FAM210A: variants seen among roughly 807,000 people sequenced by gnomAD.
FAM210A encodes mitochondrial inner membrane scaffold 1.
In FAM210A, 13 loss-of-function variants were observed where a neutral mutation model predicts 25.3. The ratio of observed to expected loss-of-function variants is 0.51; its 90% confidence interval spans 0.33 to 0.82. FAM210A has a LOEUF of 0.82. Ranked by LOEUF, FAM210A falls within the 40% of genes least tolerant of loss-of-function variation. FAM210A has a pLI of 0.02. For synonymous variants in FAM210A, 125 were observed against 118.7 expected (o/e 1.05, Z -0.35); for missense variants, 319 against 323.2 (o/e 0.99, Z 0.10).
intron 1 of FAM210A, among the ~76,000 whole-genome samples, chr18:13,712,998 C>T (rs753294792): frequency 2.6e-5 from 4 of 152,148 alleles, no homozygotes; most frequent in Non-Finnish European, 5.9e-5. Flanking sequence ...TCCTCCAGCC[C>T]AGCTCTATCT....
At chr18:13,723,208 C>T (rs2043910953) in intron 1 of FAM210A, among the ~76,000 whole-genome samples, 1 of 152,168 alleles carries the variant, frequency 6.6e-6, no homozygotes, top group African/African-American at 2.4e-5. Flanking sequence ...ATACTCATTA[C>T]TGCCTTTGAA....
chr18:13,673,667 GA>G (rs2043463886), intron 2 of FAM210A, among the ~76,000 whole-genome samples: 2 of 132,666 alleles, frequency 1.5e-5, no homozygotes, highest in Non-Finnish European at 3.3e-5. Flanking sequence ...CCAGTTTCCT[GA>G]TTATTAACAT....
At chr18:13,714,914 C>T (rs2043848104) in intron 1 of FAM210A, among the ~76,000 whole-genome samples, 1 of 152,002 alleles carries the variant, frequency 6.6e-6, no homozygotes, top group Non-Finnish European at 1.5e-5. Flanking sequence ...TGAATAGCGT[C>T]CTCATGTATA....
intron 1 of FAM210A, chr18:13,715,059 T>C (rs2043849764): frequency 6.6e-6 from 1 of 152,108 alleles, no homozygotes; most frequent in Admixed American, 6.6e-5. Context: ...TGTACATATA[T>C]ATATAATCTT....
At chr18:13,670,980 G>C (rs1212759778) in intron 3 of FAM210A, 1 of 152,878 alleles carries the variant, frequency 6.5e-6, no homozygotes, top group Non-Finnish European at 1.5e-5. Flanking sequence ...TGGGAAACAA[G>C]AGTGAAACTC....
At chr18:13,689,725 T>C (rs573205894) in intron 1 of FAM210A, among the ~76,000 whole-genome samples, 3 of 152,332 alleles carry the variant, frequency 2.0e-5, no homozygotes, top group South Asian at 4.1e-4. Flanking sequence ...AAACTTTTTA[T>C]TGCATATGAT....
At chr18:13,712,233 A>G (rs967740441) in intron 1 of FAM210A, among the ~76,000 whole-genome samples, 4 of 152,218 alleles carry the variant, frequency 2.6e-5, no homozygotes, top group South Asian at 2.1e-4. Context: ...AAAATATACT[A>G]TTAAGACACA....
intron 3 of FAM210A, chr18:13,670,812 T>G (rs74796697): frequency 6.6e-6 from 1 of 152,288 alleles, no homozygotes; most frequent in Non-Finnish European, 1.5e-5. Context: ...CTGACCAACA[T>G]GGAGAAACCC....
rs56656145 is a variant in FAM210A at position 13,665,381 on chromosome 18, C to CAAAAAAA, written c.*1092_*1098dup. On this transcript the variant is annotated 3_prime_UTR_variant, in exon 4 of 4. Transcript: ENST00000651643. Reference sequence around the variant, plus strand: ...GGAGAGAGAGAGGGAGGCTCCGTCTCAAAAAAAAAAAAAAAAAAAAAAAAA... The same window carrying CAAAAAAA: ...GGAGAGAGAGAGGGAGGCTCCGTCTCAAAAAAAAAAAAAAAAAAAAAAAAAAAAAAAA... The CAAAAAAA allele has an allele frequency of 1.6e-5, 1 of 63,704 alleles. No homozygotes were observed. The highest frequency in any genetic ancestry group is 3.2e-5 in the Non-Finnish European group (1 of 31,302). 3.9% of individuals were successfully genotyped at this position (63,704 alleles called of 1,614,324 possible).
In FAM210A at chr18:13,681,452, G is replaced by A. The variant is rs139558548; in HGVS notation, c.473+153C>T. On this transcript the variant is annotated intron_variant, in intron 2 of 3. Coordinates refer to ENST00000651643, the MANE Select transcript of FAM210A (RefSeq NM_152352.4). ...TGCTTGCTCCAAACAGTAAGCAAAT[G>A]TTAGCTATTATTATTAAAATGTGAA... Among the ~76,000 whole-genome samples the A allele has an allele frequency of 1.4e-4, 21 of 152,292 alleles. No individual in the cohort carries two copies. In the East Asian group the frequency reaches 2.9e-3, roughly 21 times the overall value.
intron 1 of FAM210A, among the ~76,000 whole-genome samples, chr18:13,696,223 C>T (rs1033534326): frequency 6.6e-6 from 1 of 152,156 alleles, no homozygotes; most frequent in African/African-American, 2.4e-5. Context: ...GTATCAACAA[C>T]CTGATTCTGA....
At chr18:13,669,240 G>A (rs1391973615) in intron 3 of FAM210A, among the ~76,000 whole-genome samples, 1 of 152,072 alleles carries the variant, frequency 6.6e-6, no homozygotes, top group Admixed American at 6.5e-5. Context: ...CCCTGATCCC[G>A]CCATGGTCTG....
chr18:13,695,508 T>C (rs1056363292), intron 1 of FAM210A, among the ~76,000 whole-genome samples: 2 of 152,174 alleles, frequency 1.3e-5, no homozygotes, highest in Admixed American at 1.3e-4. Context: ...ATGTGGCACA[T>C]ATACACCATG....
At chr18:13,685,960 A>G (rs1285372601) in intron 1 of FAM210A, among the ~76,000 whole-genome samples, 1 of 152,240 alleles carries the variant, frequency 6.6e-6, no homozygotes, top group Non-Finnish European at 1.5e-5. Context: ...AATCAATAAA[A>G]ATCAGAGCAG....
intron 3 of FAM210A, among the ~76,000 whole-genome samples, chr18:13,669,577 AC>A (rs916163560): frequency 6.6e-6 from 1 of 151,490 alleles, no homozygotes; most frequent in Non-Finnish European, 1.5e-5. Flanking sequence ...ACAAATCCAT[AC>A]CCCCATCCCT....
At chr18:13,709,286 C>G (rs953671689) in intron 1 of FAM210A, among the ~76,000 whole-genome samples, 10 of 152,164 alleles carry the variant, frequency 6.6e-5, no homozygotes, top group African/African-American at 2.2e-4. Flanking sequence ...ATCTGTACCC[C>G]CTCCACACAC....
At chr18:13,722,898 C>T (rs185280530) in intron 1 of FAM210A, among the ~76,000 whole-genome samples, 247 of 150,756 alleles carry the variant, frequency 1.6e-3, no homozygotes, top group African/African-American at 5.7e-3. Context: ...GGTTGGAGTG[C>T]AGTGGTGCAA....
chr18:13,666,360 C>T lies in FAM210A; in HGVS notation c.*120G>A. 1 of 705,484 alleles carries T rather than the reference C, an allele frequency of 1.4e-6. No individual in the cohort carries two copies. The highest frequency in any genetic ancestry group is 2.0e-5 in the South Asian group (1 of 50,818). 43.7% of individuals were successfully genotyped at this position (705,484 alleles called of 1,614,324 possible). On this transcript the variant is annotated 3_prime_UTR_variant, in exon 4 of 4. Coordinates refer to ENST00000651643, the MANE Select transcript of FAM210A (RefSeq NM_152352.4). ...TAAAAAGGTATTTTACTTCTTTAAC[C>T]CTCAGAGAACTAGTATATTTCGGCA...
rs1220927936 is a variant in FAM210A at position 13,665,329 on chromosome 18, G to A, written c.*1151C>T. The A allele has an allele frequency of 1.4e-5, 2 of 138,204 alleles. No homozygotes were observed. The highest frequency in any genetic ancestry group is 4.3e-4 in the East Asian group (2 of 4,684). 8.6% of individuals were successfully genotyped at this position (138,204 alleles called of 1,614,324 possible). A position where few individuals can be genotyped will look rare whatever the true frequency, so the allele number is the denominator to read the frequency against. On this transcript the variant is annotated 3_prime_UTR_variant, in exon 4 of 4. Transcript: ENST00000651643. ...TGGGAGGCAGAGGATGCAGTGAGCCGAGATTGTACCATTGCACTCCAGTCT... is the reference window on the plus strand; with the variant it reads ...TGGGAGGCAGAGGATGCAGTGAGCCAAGATTGTACCATTGCACTCCAGTCT...
Sources: allele counts gnomAD v4.1 joint callset (sites outside exome capture counted in the v4.1 genomes callset), GRCh38; gene constraint gnomAD v4.1.1; transcripts MANE v1.5; gene names NCBI Gene and HGNC (gene_info 2026-07-23, HGNC 2026-07-21).